VTI1A: variants seen among roughly 807,000 people sequenced by gnomAD.
The protein encoded by VTI1A is vesicle transport through interaction with t-SNAREs 1A.
VTI1A carries 22 observed loss-of-function variants against 34.9 expected under a neutral mutation model. The ratio of observed to expected loss-of-function variants is 0.63; its 90% confidence interval spans 0.45 to 0.90. The LOEUF (loss-of-function observed/expected upper bound fraction) is 0.90, where lower values mean the gene tolerates loss of function less well. Among genes scored for constraint, VTI1A ranks in the 40% least tolerant of loss-of-function variants. The probability of loss-of-function intolerance (pLI) is 0.00; values close to 1 mark genes in which losing one functional copy is unlikely to be tolerated. For missense variants in VTI1A, 268 were observed against 275.6 expected, an observed-to-expected ratio of 0.97 and a Z score of 0.20; for synonymous variants, 87 against 97.3, an observed-to-expected ratio of 0.89 and a Z score of 0.62.
rs141865815 is a variant in VTI1A at position 112,567,587 on chromosome 10, G to T, written c.427+29257G>T. ...TATGTAATTAAGCCTTTTTCTCATA[G>T]TAAATAATGTCAAAGCATCAGAGGT... On this transcript the variant is annotated intron_variant, in intron 5 of 7. Coordinates refer to ENST00000393077, the MANE Select transcript of VTI1A (RefSeq NM_145206.4). Among the ~76,000 whole-genome samples, 107 of 152,160 alleles carry T rather than the reference G, an allele frequency of 7.0e-4. No individual in the cohort carries two copies. The East Asian group carries it at 0.017, about 25-fold the overall frequency.
intron 5 of VTI1A, among the ~76,000 whole-genome samples, chr10:112,661,405 G>A (rs751838212): frequency 1.4e-4 from 21 of 151,976 alleles, no homozygotes; most frequent in African/African-American, 2.9e-4. Context: ...CATGAGCCAC[G>A]CACCTGGCCT....
At chr10:112,810,340 T>G (rs1450876098) in intron 7 of VTI1A, among the ~76,000 whole-genome samples, 1 of 149,844 alleles carries the variant, frequency 6.7e-6, no homozygotes, top group South Asian at 2.1e-4. Context: ...GAGGGGGAGG[T>G]TGTAGTGAGC....
intron 7 of VTI1A, among the ~76,000 whole-genome samples, chr10:112,676,365 C>T (rs975978673): frequency 3.9e-5 from 6 of 152,104 alleles, no homozygotes; most frequent in African/African-American, 1.4e-4. Flanking sequence ...TCACACATTT[C>T]CCATCTCATT....
chr10:112,830,822 C>CATATATATAT, the VTI1A span, among the ~76,000 whole-genome samples: 7 of 54,720 alleles, frequency 1.3e-4, no homozygotes, highest in East Asian at 9.8e-4. Flanking sequence ...CTAAAACCCT[C>CATATATATAT]ATATATATAT....
chr10:112,825,473 T>G, the VTI1A span: 1 of 152,214 alleles, frequency 6.6e-6, no homozygotes, highest in African/African-American at 2.4e-5. Flanking sequence ...ATCCAGTACC[T>G]CGTGTGTCCT....
chr10:112,450,140 CT>C (rs1847180742), intron 1 of VTI1A: 1 of 152,218 alleles, frequency 6.6e-6, no homozygotes, highest in South Asian at 2.1e-4. Context: ...AATCCACCCA[CT>C]TGGGCCTCCC....
chr10:112,839,172 C>T, the VTI1A span, among the ~76,000 whole-genome samples: 1 of 152,220 alleles, frequency 6.6e-6, no homozygotes, highest in Non-Finnish European at 1.5e-5. Context: ...ACTCATTCAT[C>T]CATTCACAGG....
intron 7 of VTI1A, among the ~76,000 whole-genome samples, chr10:112,784,340 C>T (rs1852221605): frequency 6.6e-6 from 1 of 152,156 alleles, no homozygotes; most frequent in Non-Finnish European, 1.5e-5. Context: ...TAGCTACACC[C>T]AGCATCTGCT....
At chr10:112,645,969 T>C (rs969441824) in intron 5 of VTI1A, among the ~76,000 whole-genome samples, 39 of 147,624 alleles carry the variant, frequency 2.6e-4, no homozygotes, top group African/African-American at 9.2e-4. Flanking sequence ...GGTTACCTGA[T>C]GCCAATGTAG....
At chr10:112,649,394 G>T (rs1176095350) in intron 5 of VTI1A, among the ~76,000 whole-genome samples, 1 of 152,132 alleles carries the variant, frequency 6.6e-6, no homozygotes, top group Non-Finnish European at 1.5e-5. Context: ...CCAATAATTT[G>T]AAGTGTGGCT....
chr10:112,548,964 CT>C (rs1158794074), intron 5 of VTI1A: 3 of 660,646 alleles, frequency 4.5e-6, no homozygotes, highest in Non-Finnish European at 7.8e-6. Context: ...ATCTTTCTTT[CT>C]TCTCTTCTTC....
intron 5 of VTI1A, among the ~76,000 whole-genome samples, chr10:112,660,307 C>T (rs188755888): frequency 1.3e-5 from 2 of 152,284 alleles, no homozygotes; most frequent in Non-Finnish European, 2.9e-5. Context: ...ACCCTGTTGG[C>T]CAGGATGATC....
At chr10:112,667,077 TA>T (rs143204963) in intron 5 of VTI1A, among the ~76,000 whole-genome samples, 15,996 of 149,174 alleles carry the variant, frequency 0.11, 886 homozygotes, top group Middle Eastern at 0.14. Flanking sequence ...GGGTGTCCTT[TA>T]AAAAAAAAAG....
intron 7 of VTI1A, among the ~76,000 whole-genome samples, chr10:112,776,017 G>T (rs578260655): frequency 6.8e-6 from 1 of 147,272 alleles, no homozygotes; most frequent in East Asian, 1.9e-4. Context: ...TTTTCTTGCC[G>T]TTTCTGGCAA....
At chr10:112,617,401 GA>G (rs1845547056) in intron 5 of VTI1A, among the ~76,000 whole-genome samples, 2 of 151,874 alleles carry the variant, frequency 1.3e-5, no homozygotes, top group African/African-American at 4.8e-5. Context: ...CAGAATGGAG[GA>G]AAATGACTCC....
At chr10:112,562,011 T>A (rs1851739711) in intron 5 of VTI1A, among the ~76,000 whole-genome samples, 1 of 152,102 alleles carries the variant, frequency 6.6e-6, no homozygotes, top group Non-Finnish European at 1.5e-5. Flanking sequence ...GAGATACAAC[T>A]TTTTTTTATT....
intron 7 of VTI1A, among the ~76,000 whole-genome samples, chr10:112,771,122 A>G (rs766411212): frequency 8.5e-5 from 13 of 152,156 alleles, no homozygotes; most frequent in South Asian, 2.1e-4. Context: ...ATATGCCCAG[A>G]TTCGAAGTCA....
intron 3 of VTI1A, among the ~76,000 whole-genome samples, chr10:112,522,636 C>T (rs1315037814): frequency 6.6e-6 from 1 of 152,060 alleles, no homozygotes; most frequent in East Asian, 1.9e-4. Flanking sequence ...TCTACGTAGC[C>T]ATCGAATATT....
chr10:112,684,394 A>G (rs564232140), intron 7 of VTI1A, among the ~76,000 whole-genome samples: 2 of 141,956 alleles, frequency 1.4e-5, no homozygotes, highest in African/African-American at 2.6e-5. Context: ...AAACTATATT[A>G]TTTGCTTAGT....
Sources: gnomAD v4.1 joint callset for allele counts (sites outside exome capture counted in the v4.1 genomes callset) on GRCh38, gnomAD v4.1.1 for gene constraint, MANE v1.5 for transcripts, NCBI Gene and HGNC (gene_info 2026-07-23, HGNC 2026-07-21) for gene names.